DENND1A: variants seen among roughly 807,000 people sequenced by gnomAD.
The protein encoded by DENND1A is DENN domain containing 1A.
Under a neutral mutation model 113.7 loss-of-function variants are expected in DENND1A, and 51 were observed. The ratio of observed to expected loss-of-function variants is 0.45; its 90% CI spans 0.36 to 0.57. The LOEUF is 0.57. Ranked by LOEUF, DENND1A falls within the 20% of genes least tolerant of loss-of-function variation. DENND1A has a pLI of 0.00. For synonymous variants in DENND1A, 565 were observed against 570.8 expected (o/e 0.99, Z 0.14); for missense variants, 1,258 against 1,395.9 (o/e 0.90, Z 1.57).
chr9:123,916,530 G>A (rs1279010544), intron 1 of DENND1A, among the ~76,000 whole-genome samples: 2 of 151,922 alleles, frequency 1.3e-5, no homozygotes, highest in Non-Finnish European at 2.9e-5. Flanking sequence ...GTGCCACCAC[G>A]CCCAGCTTAT....
At chr9:123,395,512 G>C (rs940503857) in intron 21 of DENND1A, among the ~76,000 whole-genome samples, 3 of 149,562 alleles carry the variant, frequency 2.0e-5, no homozygotes, top group African/African-American at 7.4e-5. Flanking sequence ...GAGAGAGAGA[G>C]AGTGAGAGTG....
At chr9:123,855,714 G>C (rs916526741) in intron 2 of DENND1A, among the ~76,000 whole-genome samples, 1 of 152,150 alleles carries the variant, frequency 6.6e-6, no homozygotes, top group African/African-American at 2.4e-5. Context: ...GAAGAAAAGG[G>C]GTTGGAAGGG....
At chr9:123,647,276 A>G (rs544744994) in intron 9 of DENND1A, among the ~76,000 whole-genome samples, 2 of 152,350 alleles carry the variant, frequency 1.3e-5, no homozygotes, top group East Asian at 3.9e-4. Context: ...AGCAAACCAC[A>G]GTGAAAAGGC....
At chr9:123,401,656 TAAAC>T in intron 21 of DENND1A, 2 of 1,469,470 alleles carry the variant, frequency 1.4e-6, no homozygotes, top group Non-Finnish European at 1.8e-6. Context: ...CAGGGCATAT[TAAAC>T]AAACAACAAA....
At chr9:123,728,479 C>CAAAAAA (rs60761810) in intron 5 of DENND1A, among the ~76,000 whole-genome samples, 555 of 25,204 alleles carry the variant, frequency 0.022, 124 homozygotes, top group African/African-American at 0.041. Context: ...CTCTGTCTCC[C>CAAAAAA]AAAAAAAAAA....
intron 3 of DENND1A, among the ~76,000 whole-genome samples, chr9:123,772,900 G>A (rs563535386): frequency 1.3e-5 from 2 of 152,154 alleles, no homozygotes; most frequent in Admixed American, 6.5e-5. Flanking sequence ...AACCCCAGAC[G>A]GGTTTTCTAA....
intron 5 of DENND1A, among the ~76,000 whole-genome samples, chr9:123,696,556 A>G (rs1251392041): frequency 1.3e-5 from 2 of 152,236 alleles, no homozygotes; most frequent in Non-Finnish European, 2.9e-5. Context: ...GTGGGAGAGA[A>G]AAAGCTAAAG....
intron 19 of DENND1A, among the ~76,000 whole-genome samples, chr9:123,431,674 G>A (rs2046145188): frequency 6.6e-6 from 1 of 152,216 alleles, no homozygotes; most frequent in African/African-American, 2.4e-5. Context: ...GTTGGCTGGA[G>A]GGATTCAGTA....
chr9:123,864,897 CCA>C (rs1845602954), intron 2 of DENND1A, among the ~76,000 whole-genome samples: 1 of 152,162 alleles, frequency 6.6e-6, no homozygotes, highest in East Asian at 1.9e-4. Context: ...CTACTACATT[CCA>C]GTCACTGTTC....
intron 13 of DENND1A, among the ~76,000 whole-genome samples, chr9:123,490,234 C>T (rs2051252951): frequency 2.0e-5 from 3 of 152,204 alleles, no homozygotes; most frequent in Non-Finnish European, 4.4e-5. Flanking sequence ...CGACCCACTA[C>T]ATTCACAGAA....
intron 19 of DENND1A, among the ~76,000 whole-genome samples, chr9:123,434,001 A>G (rs898916055): frequency 2.0e-5 from 3 of 152,248 alleles, no homozygotes; most frequent in African/African-American, 7.2e-5. Context: ...CTAAATTGCT[A>G]TAACACAAAG....
At chr9:123,785,467 T>C (rs915154244) in intron 3 of DENND1A, among the ~76,000 whole-genome samples, 11 of 151,372 alleles carry the variant, frequency 7.3e-5, no homozygotes, top group Admixed American at 5.2e-4. Context: ...CGGGGAAAAA[T>C]AAGAGGCAAC....
chr9:123,811,487 T>C (rs1465428252), intron 2 of DENND1A, among the ~76,000 whole-genome samples: 2 of 152,220 alleles, frequency 1.3e-5, no homozygotes, highest in African/African-American at 2.4e-5. Context: ...CGGCTGGGCA[T>C]GGTGGCTCAT....
chr9:123,704,837 C>T (rs2066090612), intron 5 of DENND1A, among the ~76,000 whole-genome samples: 1 of 151,934 alleles, frequency 6.6e-6, no homozygotes, highest in Non-Finnish European at 1.5e-5. Context: ...GTAAAAGTGG[C>T]ATTAGTGAGC....
intron 1 of DENND1A, among the ~76,000 whole-genome samples, chr9:123,926,567 CAAAAAAAAAA>C (rs746978969): frequency 2.4e-5 from 1 of 41,074 alleles, no homozygotes; most frequent in African/African-American, 7.8e-5. Flanking sequence ...AACTCCATCT[CAAAAAAAAAA>C]AAAAAAAAAA....
At chr9:123,738,361 C>G (rs1589873076) in intron 5 of DENND1A, among the ~76,000 whole-genome samples, 1 of 151,528 alleles carries the variant, frequency 6.6e-6, no homozygotes, top group African/African-American at 2.4e-5. Context: ...TTCAACACAG[C>G]ACAAGAGAAT....
At chr9:123,531,861 A>G (rs1055577103) in intron 13 of DENND1A, among the ~76,000 whole-genome samples, 1 of 152,092 alleles carries the variant, frequency 6.6e-6, no homozygotes, top group African/African-American at 2.4e-5. Flanking sequence ...AAAGATCTAC[A>G]GTTTGTTTGT....
chr9:123,819,266 C>G (rs947327819), intron 2 of DENND1A, among the ~76,000 whole-genome samples: 2 of 152,160 alleles, frequency 1.3e-5, no homozygotes, highest in South Asian at 2.1e-4. Context: ...ACAAAAGTAT[C>G]CTTCACTATC....
chr9:123,443,753 G>C lies in DENND1A; in HGVS notation c.1357-3262C>G, dbSNP rs149582709. ...AAGGATCACTTGAGCCCAGGAGTTT[G>C]AGACCAGCTTGAGCAACATGGGGAA... On this transcript the variant is annotated intron_variant, in intron 18 of 23. Coordinates refer to ENST00000394215, the MANE Select transcript of DENND1A (RefSeq NM_001352964.2). Among the ~76,000 whole-genome samples the C allele has an allele frequency of 4.6e-3, 698 of 152,336 alleles. 8 individuals are homozygous for C. Among genetic ancestry groups the C allele is most frequent in the African/African-American group, 0.015 (628 of 41,586 alleles).
Sources: allele counts gnomAD v4.1 joint callset (sites outside exome capture counted in the v4.1 genomes callset), GRCh38; gene constraint gnomAD v4.1.1; transcripts MANE v1.5; gene names NCBI Gene and HGNC (gene_info 2026-07-23, HGNC 2026-07-21).